The following TLE2 variants were observed in gnomAD, a reference collection of about 807,000 sequenced individuals.
TLE2 encodes TLE family member 2, transcriptional corepressor, also known as transducin-like enhancer protein 2.
TLE2 carries 74 observed loss-of-function variants against 97.2 expected under a neutral mutation model. The ratio of observed to expected loss-of-function variants is 0.76; its 90% CI spans 0.63 to 0.92. TLE2 has a LOEUF of 0.92. TLE2 is among the 40% of genes least tolerant of loss of function. The probability of loss-of-function intolerance (pLI) is 0.00; values close to 1 mark genes in which losing one functional copy is unlikely to be tolerated. For synonymous variants in TLE2, 499 were observed against 432.1 expected (o/e 1.15, Z -1.92); for missense variants, 1,038 against 1,008.7 (o/e 1.03, Z -0.39).
chr19:3,028,217 G>A, intron 3 of TLE2, 102 bp downstream of exon 3: 2 of 1,224,248 alleles, frequency 1.6e-6, no homozygotes, highest in Non-Finnish European at 2.4e-6. Flanking sequence ...TACAGACGGG[G>A]AAGACGAGGT....
intron 11 of TLE2, among the ~76,000 whole-genome samples, 188 bp from the exon 12 acceptor site, chr19:3,011,348 T>TA (rs1555691317): frequency 6.7e-6 from 1 of 149,264 alleles, no homozygotes; most frequent in Non-Finnish European, 1.5e-5. Flanking sequence ...GCCAACATGG[T>TA]AAAACCCCAT....
intron 5 of TLE2, among the ~76,000 whole-genome samples, chr19:3,021,392 A>T (rs2089841308): frequency 6.6e-6 from 1 of 151,086 alleles, no homozygotes; most frequent in African/African-American, 2.4e-5. Context: ...TGACAGAGCG[A>T]GACTCAGTCT....
In TLE2 at chr19:2,998,275, G is replaced by GTGTGTGTGTGTGTGTGTGTA. The variant is rs796339147; in HGVS notation, c.2125-321_2125-320insTACACACACACACACACACA. 2.6e-3 allele frequency among the ~76,000 whole-genome samples: 285 copies of GTGTGTGTGTGTGTGTGTGTA among 110,318 alleles called. 6 individuals carry two copies. Among genetic ancestry groups the GTGTGTGTGTGTGTGTGTGTA allele is most frequent in the African/African-American group, 7.5e-3 (267 of 35,758 alleles). 72.4% of individuals were successfully genotyped at this position (110,318 alleles called of 152,430 possible). A position where few individuals can be genotyped will look rare whatever the true frequency, so the allele number is the denominator to read the frequency against. The stretch of plus-strand genomic sequence containing the variant: ...TGTGTGTGTGTGTGTGTGTGTGTGT[G>GTGTGTGTGTGTGTGTGTGTA]TAATTTTTTTTTTTTTTTGTGAGAC... On this transcript the variant is annotated intron_variant, in intron 19 of 19. Transcript: ENST00000262953.
At chr19:3,003,861 C>T (rs1021531143) in intron 17 of TLE2, among the ~76,000 whole-genome samples, 35 of 152,038 alleles carry the variant, frequency 2.3e-4, no homozygotes, top group African/African-American at 8.4e-4. Context: ...GCATGTGCCA[C>T]CACACCTGGC....
Position 3,014,631 on chromosome 19 carries a change from G to GA in TLE2, c.679-18dup. The stretch of plus-strand genomic sequence containing the variant: ...GTCGCTTTCCTGGGGGAAGATGGGG[G>GA]AGAGAGCTCATTGTGGTCATGCCCC... On this transcript the variant is annotated splice_polypyrimidine_tract_variant and intron_variant, in intron 9 of 19. Transcript: ENST00000262953. The GA allele has an allele frequency of 6.3e-7, 1 of 1,588,348 alleles. No homozygotes were observed. The highest frequency in any genetic ancestry group is 8.6e-7 in the Non-Finnish European group (1 of 1,167,002).
At position 3,029,257 on chromosome 19, in the gene TLE2, C is replaced by G. The variant is rs1274054251; in HGVS notation, c.-353G>C. On this transcript the variant is annotated 5_prime_UTR_variant, in exon 1 of 20. Coordinates refer to ENST00000262953, the MANE Select transcript of TLE2 (RefSeq NM_003260.5). ...GCGGGCGGCGGGCCCCGCGCGGAGC[C>G]GCCTCCCTCCGGCGGGGCTCGGCCG... The G allele has an allele frequency of 2.6e-4, 59 of 229,248 alleles. No homozygotes were observed. The highest frequency in any genetic ancestry group is 3.8e-4 in the Non-Finnish European group (55 of 142,892). The allele number at this position is 229,248 out of a possible 1,614,324, so 14.2% of individuals were successfully genotyped here. A position where few individuals can be genotyped will look rare whatever the true frequency, so the allele number is the denominator to read the frequency against.
At chr19:3,004,255 G>C (rs116997560) in intron 17 of TLE2, among the ~76,000 whole-genome samples, 2,659 of 152,260 alleles carry the variant, frequency 0.017, 49 homozygotes, top group Non-Finnish European at 0.023. Context: ...GGGATCCCTA[G>C]AAATGTTCTT....
chr19:3,025,461 G>A (rs925588208), intron 4 of TLE2: 11 of 1,032,354 alleles, frequency 1.1e-5, no homozygotes, highest in Non-Finnish European at 1.0e-5. Context: ...AGGGGCCTCC[G>A]CCTGGAGTCC....
intron 5 of TLE2, among the ~76,000 whole-genome samples, chr19:3,024,328 T>C (rs190423254): frequency 6.8e-4 from 104 of 152,094 alleles, no homozygotes; most frequent in Non-Finnish European, 1.0e-4. Flanking sequence ...ATTTTAACCA[T>C]TTGTAAGTGC....
At chr19:3,046,932 G>GCCTCCCCCTCCTTCC (rs2090146337), upstream of TLE2, among the ~76,000 whole-genome samples, 1 of 100,406 alleles carries the variant, frequency 1.0e-5, no homozygotes, top group South Asian at 3.9e-4. Context: ...CCCCTCCTCT[G>GCCTCCCCCTCCTTCC]CCTCCCCCTC....
chr19:3,011,085 GC>G lies in TLE2; in HGVS notation c.948del (p.Ser318AlafsTer22). On this transcript the variant is annotated frameshift_variant, in exon 12 of 20. Transcript: ENST00000262953. LOFTEE classifies it high-confidence loss of function. ...SSPPQDASTP[G>X]PSSASHLCQL... is the part of the protein sequence containing the mutation. ...TGGCAGAGGTGACTGGCCGAGCTGG[GC>G]CCGGGGGTGGAAGCGTCCTGGGGCG... 6.2e-7 allele frequency: 1 copy of G among 1,610,400 alleles called. No individual in the cohort carries two copies. Among genetic ancestry groups the G allele is most frequent in the Non-Finnish European group, 8.5e-7 (1 of 1,179,026 alleles).
intron 15 of TLE2, 146 bp from the exon 16 acceptor site, chr19:3,006,114 G>A (rs770741631): frequency 4.6e-6 from 5 of 1,078,818 alleles, no homozygotes; most frequent in Admixed American, 3.4e-5. Context: ...GGTGAGCCCC[G>A]CCCCTTTGAC....
chr19:3,006,118 C>T, intron 15 of TLE2, 150 bp from the exon 16 acceptor site: 2 of 1,044,138 alleles, frequency 1.9e-6, no homozygotes, highest in Non-Finnish European at 1.5e-6. Flanking sequence ...AGCCCCGCCC[C>T]TTTGACCTGC....
At chr19:3,006,325 C>A in intron 15 of TLE2, 95 bp downstream of exon 15, 1 of 1,508,506 alleles carries the variant, frequency 6.6e-7, no homozygotes, top group Non-Finnish European at 8.9e-7. Context: ...TCACCTGTAG[C>A]CCCACCCACG....
intron 12 of TLE2, 43 bp from the exon 13 acceptor site, chr19:3,009,745 CAG>C: frequency 2.6e-6 from 4 of 1,557,986 alleles, no homozygotes; most frequent in Admixed American, 2.1e-5. Context: ...GCCCTGGACC[CAG>C]ATCCCGCCTC....
chr19:3,015,628 C>G, intron 9 of TLE2, 25 bp downstream of exon 9: 1 of 1,567,816 alleles, frequency 6.4e-7, no homozygotes, highest in Non-Finnish European at 8.7e-7. Context: ...ACGCCCATCC[C>G]AGTCCTGCAC....
At chr19:3,025,382 GGCAGACGCTCAGACACCCAACTCAGAC>G (rs537669186) in intron 4 of TLE2, 223 of 1,193,176 alleles carry the variant, frequency 1.9e-4, no homozygotes, top group African/African-American at 1.1e-3. Context: ...ATTTGCAGGA[GGCAGACGCTCAGACACCCAACTCAGAC>G]GCAGACACTC....
At chr19:3,007,902 T>A (rs1259722026) in intron 14 of TLE2, among the ~76,000 whole-genome samples, 1 of 152,068 alleles carries the variant, frequency 6.6e-6, no homozygotes, top group Non-Finnish European at 1.5e-5. Flanking sequence ...CTGGCCAACA[T>A]GGTGAAACCC....
In TLE2 at chr19:3,025,518, C is replaced by G. The variant is rs540199918; in HGVS notation, c.232-436G>C. The G allele has an allele frequency of 1.4e-4, 143 of 997,020 alleles. 1 individual carries two copies. The South Asian group carries it at 5.5e-3, about 38-fold the overall frequency. The allele number at this position is 997,020 out of a possible 1,614,324, so 61.8% of individuals were successfully genotyped here. On this transcript the variant is annotated intron_variant, in intron 4 of 19. Transcript: ENST00000262953. Reference sequence around the variant, plus strand: ...CCCACGTCTGTCCCAGGCAAGGCCCCTTTCTTGGTCTCCTCCGCTTCCCAG... The same window carrying G: ...CCCACGTCTGTCCCAGGCAAGGCCCGTTTCTTGGTCTCCTCCGCTTCCCAG...
Sources: gnomAD v4.1 joint callset for allele counts (sites outside exome capture counted in the v4.1 genomes callset) on GRCh38, gnomAD v4.1.1 for gene constraint, MANE v1.5 for transcripts, NCBI Gene and HGNC (gene_info 2026-07-23, HGNC 2026-07-21) for gene names.